Variants in KIF13A observed in about 807,000 individuals in gnomAD.
KIF13A encodes the protein kinesin-like protein KIF13A.
A neutral mutation model predicts 212.2 loss-of-function variants in KIF13A; 79 were observed. The observed-to-expected ratio is 0.37, with a 90% CI of 0.31 to 0.45. The LOEUF is 0.45. Among genes scored for constraint, KIF13A ranks in the 20% least tolerant of loss-of-function variants. The probability of loss-of-function intolerance (pLI) is 1.00; values close to 1 mark genes in which losing one functional copy is unlikely to be tolerated. For synonymous variants in KIF13A, 789 were observed against 808.6 expected (o/e 0.98, Z 0.41); for missense variants, 1,901 against 2,209.0 (o/e 0.86, Z 2.79).
At chr6:17,857,979 C>T (rs1037015424) in intron 4 of KIF13A, among the ~76,000 whole-genome samples, 2 of 151,854 alleles carry the variant, frequency 1.3e-5, no homozygotes, top group African/African-American at 2.4e-5. Flanking sequence ...CCCCCAACAC[C>T]CACATCTATG....
intron 17 of KIF13A, chr6:17,812,067 A>C (rs1763479425): frequency 6.6e-6 from 1 of 152,224 alleles, no homozygotes; most frequent in Non-Finnish European, 1.5e-5. Flanking sequence ...AGCCCCAAAG[A>C]AAATCAATCT....
At position 17,796,651 on chromosome 6, in the gene KIF13A, T is replaced by G. The variant is rs766492362; in HGVS notation, c.2942+18A>C. 1 of 1,450,610 alleles carries G rather than the reference T, an allele frequency of 6.9e-7. No individual in the cohort carries two copies. The highest frequency in any genetic ancestry group is 9.2e-7 in the Non-Finnish European group (1 of 1,087,634). 89.9% of individuals were successfully genotyped at this position (1,450,610 alleles called of 1,614,324 possible). Reference sequence around the variant, plus strand: ...CTAGTCTTAACCTTGTACCTAAAGCTCACAGCCAAGTACAAACCTGTCATG... The same window carrying G: ...CTAGTCTTAACCTTGTACCTAAAGCGCACAGCCAAGTACAAACCTGTCATG... On this transcript the variant is annotated intron_variant, in intron 23 of 38. Transcript: ENST00000259711.
Position 17,828,069 on chromosome 6 carries a change from A to G in KIF13A, c.1532+171T>C, listed in dbSNP as rs182717750. On this transcript the variant is annotated intron_variant, in intron 14 of 38. Coordinates refer to ENST00000259711, the MANE Select transcript of KIF13A (RefSeq NM_022113.6). The surrounding 1 kb of genome is among the most constrained non-coding windows in gnomAD (Gnocchi z 4.3). ...GTGGAACTAGAACTCGCATACAAAA[A>G]TAGTCACTCCTTCACAGTAATCACT... 6.6e-6 allele frequency among the ~76,000 whole-genome samples: 1 copy of G among 152,322 alleles called. No homozygotes were observed. The highest frequency in any genetic ancestry group is 2.4e-5 in the African/African-American group (1 of 41,580).
At chr6:17,814,496 C>G (rs376308232) in intron 17 of KIF13A, among the ~76,000 whole-genome samples, 1 of 152,106 alleles carries the variant, frequency 6.6e-6, no homozygotes, top group African/African-American at 2.4e-5. Context: ...ATCCACCCGC[C>G]TCGGCCTCCC....
chr6:17,839,786 A>G lies in KIF13A; in HGVS notation c.831-2203T>C, dbSNP rs1160898750. 6.6e-6 allele frequency among the ~76,000 whole-genome samples: 1 copy of G among 152,198 alleles called. No individual in the cohort carries two copies. Among genetic ancestry groups the G allele is most frequent in the Non-Finnish European group, 1.5e-5 (1 of 68,038 alleles). The stretch of plus-strand genomic sequence containing the variant: ...GACTGGAGTGATGCATCTACAAGAC[A>G]GGGAACGCCGAGGATTGATGGCCCT... On this transcript the variant is annotated intron_variant, in intron 9 of 38. Transcript: ENST00000259711. This position sits in a 1 kb window ranked among gnomAD's most constrained non-coding sequence, Gnocchi z 4.3.
rs575357941 is a variant in KIF13A, at chr6:17,967,096, C to T, written c.146+19958G>A. Among the ~76,000 whole-genome samples, 5 of 152,136 alleles carry T rather than the reference C, an allele frequency of 3.3e-5. No homozygotes were observed. The East Asian group carries it at 5.8e-4, about 18-fold the overall frequency. On this transcript the variant is annotated intron_variant, in intron 2 of 38. Transcript: ENST00000259711. This position sits in a 1 kb window ranked among gnomAD's most constrained non-coding sequence, Gnocchi z 4.1. ...GCACTTTCTCAGGGGAAAAGTAATCCGAGGAGATAAAAACTTTGGTGAAGG... is the reference window on the plus strand; with the variant it reads ...GCACTTTCTCAGGGGAAAAGTAATCTGAGGAGATAAAAACTTTGGTGAAGG...
chr6:17,855,442 G>A lies in KIF13A; in HGVS notation c.489C>T (p.Pro163=), dbSNP rs748759510. 1 of 1,607,496 alleles carries A rather than the reference G, an allele frequency of 6.2e-7. No individual in the cohort carries two copies. The highest frequency in any genetic ancestry group is 8.5e-7 in the Non-Finnish European group (1 of 1,176,884). The stretch of plus-strand genomic sequence containing the variant: ...AATCTTGACCACTAACTTACCCTTT[G>A]GGGTCTAAAAGATCCCGAACTTTCT... The part of the protein sequence containing the change: ...YNEKVRDLLD[P]KGSRQSLKVR... Residue 163 remains proline, a synonymous_variant, in exon 6 of 39, where the codon CCC becomes CCT. Coordinates refer to ENST00000259711, the MANE Select transcript of KIF13A (RefSeq NM_022113.6). This position sits in a 1 kb window ranked among gnomAD's most constrained non-coding sequence, Gnocchi z 4.1.
rs1759496652 is a variant in KIF13A, at chr6:17,771,545, A to G, written c.4477-327T>C. On this transcript the variant is annotated intron_variant, in intron 37 of 38. Coordinates refer to ENST00000259711, the MANE Select transcript of KIF13A (RefSeq NM_022113.6). This position sits in a 1 kb window ranked among gnomAD's most constrained non-coding sequence, Gnocchi z 5.4. ...AGTTTCAGACCAGCCTGGGCAACAC[A>G]GCAAGACCCTATCTCTATAAAAAAC... is the stretch of plus-strand genomic sequence containing the variant. The G allele has an allele frequency of 2.7e-6, 1 of 372,206 alleles. No homozygotes were observed. The highest frequency in any genetic ancestry group is 4.8e-6 in the Non-Finnish European group (1 of 207,474). 23.1% of individuals were successfully genotyped at this position (372,206 alleles called of 1,614,324 possible).
rs958009998 is a variant in KIF13A at position 17,977,349 on chromosome 6, C to T, written c.146+9705G>A. Among the ~76,000 whole-genome samples the T allele has an allele frequency of 3.3e-5, 5 of 152,246 alleles. No individual in the cohort carries two copies. In the South Asian group the frequency reaches 6.2e-4, roughly 19 times the overall value. ...CACTATAATGTAAGAGAATAGTTCACGTTGTCATACAATTGCAAAGATGTA... is the reference window on the plus strand; with the variant it reads ...CACTATAATGTAAGAGAATAGTTCATGTTGTCATACAATTGCAAAGATGTA... On this transcript the variant is annotated intron_variant, in intron 2 of 38. Transcript: ENST00000259711.
chr6:17,850,339 T>C lies in KIF13A; in HGVS notation c.701A>G (p.Tyr234Cys). ...ATCCCTTACCCCAGACTGCAGGTCATAAAGTGTCTGTGTGATTATGATGTT... is the reference window on the plus strand; with the variant it reads ...ATCCCTTACCCCAGACTGCAGGTCACAAAGTGTCTGTGTGATTATGATGTT... ...VFNIIITQTL[Y>C]DLQSGNSGEK... Residue 234 changes from tyrosine to cysteine, a missense_variant, in exon 8 of 39, where the codon TAT becomes TGT. Coordinates refer to ENST00000259711, the MANE Select transcript of KIF13A (RefSeq NM_022113.6). The surrounding 1 kb of genome is among the most constrained non-coding windows in gnomAD (Gnocchi z 6.2). 6.2e-7 allele frequency: 1 copy of C among 1,613,560 alleles called. No homozygotes were observed. The highest frequency in any genetic ancestry group is 8.5e-7 in the Non-Finnish European group (1 of 1,179,648).
At position 17,816,209 on chromosome 6, in the gene KIF13A, C is replaced by T. The variant is rs569459007; in HGVS notation, c.2000+811G>A. On this transcript the variant is annotated intron_variant, in intron 17 of 38. Coordinates refer to ENST00000259711, the MANE Select transcript of KIF13A (RefSeq NM_022113.6). The surrounding 1 kb of genome is among the most constrained non-coding windows in gnomAD (Gnocchi z 4.3). ...CTGGGATTACAGGCCTGAGCCACCGCACCTGGCCTGAGTCAGGTCAGGTTC... is the reference window on the plus strand; with the variant it reads ...CTGGGATTACAGGCCTGAGCCACCGTACCTGGCCTGAGTCAGGTCAGGTTC... 6.7e-6 allele frequency among the ~76,000 whole-genome samples: 1 copy of T among 150,230 alleles called. No homozygotes were observed. Among genetic ancestry groups the T allele is most frequent in the Non-Finnish European group, 1.5e-5 (1 of 67,624 alleles).
At chr6:17,956,716 C>T (rs950119120) in intron 2 of KIF13A, among the ~76,000 whole-genome samples, 1 of 152,056 alleles carries the variant, frequency 6.6e-6, no homozygotes, top group African/African-American at 2.4e-5. Flanking sequence ...CTCCTGTCCT[C>T]TAATCTGGCT....
In KIF13A at chr6:17,794,031, C is replaced by T. The variant is rs1761829779; in HGVS notation, c.3222+218G>A. On this transcript the variant is annotated intron_variant, in intron 25 of 38. Coordinates refer to ENST00000259711, the MANE Select transcript of KIF13A (RefSeq NM_022113.6). This position sits in a 1 kb window ranked among gnomAD's most constrained non-coding sequence, Gnocchi z 4.1. ...AAAATCTGCCTAAAGTTAATGACTA[C>T]TATAGCATTAGGATGCGTGTGTTTA... Among the ~76,000 whole-genome samples the T allele has an allele frequency of 6.6e-6, 1 of 152,124 alleles. No homozygotes were observed. The highest frequency in any genetic ancestry group is 2.4e-5 in the African/African-American group (1 of 41,432).
intron 25 of KIF13A, 121 bp from the exon 26 acceptor site, chr6:17,790,031 A>T: frequency 1.5e-6 from 1 of 685,820 alleles, no homozygotes; most frequent in Non-Finnish European, 2.5e-6. Flanking sequence ...TAAGCAAAAT[A>T]AAACACTAAA....
In KIF13A at chr6:17,808,831, G is replaced by T; in HGVS notation, c.2100C>A (p.Ser700Arg). ...GAGTCACTTGGTAATCGGTGAGTTTGCTCATTTCCTCAGCCAGGAAGTTTG... is the reference window on the plus strand; with the variant it reads ...GAGTCACTTGGTAATCGGTGAGTTTTCTCATTTCCTCAGCCAGGAAGTTTG... ...REANFLAEEM[S>R]KLTDYQVTLQ... The change falls in exon 18 of 39, where the codon AGC (serine) becomes AGA (arginine). Residue 700 changes from serine to arginine, a missense_variant. Around this residue, in one of 5 missense-constraint regions of KIF13A, gnomAD observed 534 missense variants for 536.9 expected, o/e 0.99. Transcript: ENST00000259711. 1 of 1,613,854 alleles carries T rather than the reference G, an allele frequency of 6.2e-7. No homozygotes were observed. Among genetic ancestry groups the T allele is most frequent in the Non-Finnish European group, 8.5e-7 (1 of 1,179,850 alleles).
chr6:17,977,795 T>C (rs1177692516), intron 2 of KIF13A, among the ~76,000 whole-genome samples: 2 of 152,254 alleles, frequency 1.3e-5, no homozygotes, highest in African/African-American at 4.8e-5. Flanking sequence ...GTTGGTGTGC[T>C]GCACCCATTA....
chr6:17,835,000 G>A lies in KIF13A; in HGVS notation c.1156-929C>T, dbSNP rs150944074. 0.026 allele frequency among the ~76,000 whole-genome samples: 3,891 copies of A among 151,800 alleles called. 76 individuals carry two copies. The highest frequency in any genetic ancestry group is 0.04 in the Non-Finnish European group (2,731 of 67,928). On this transcript the variant is annotated intron_variant, in intron 11 of 38. Transcript: ENST00000259711. This position sits in a 1 kb window ranked among gnomAD's most constrained non-coding sequence, Gnocchi z 4.0. Reference sequence around the variant, plus strand: ...TTGAGACCAGCCTGGCTAACATGGCGAAACCCTGTCTCTACTAAAAATACA... The same window carrying A: ...TTGAGACCAGCCTGGCTAACATGGCAAAACCCTGTCTCTACTAAAAATACA...
rs964698258 is a variant in KIF13A, at chr6:17,825,009, T to C, written c.1786+759A>G. ...AATCATTCTAGTCCCAGAAATGTCA[T>C]CTTGTGGTTGGTAACAGGTGAACAT... On this transcript the variant is annotated intron_variant, in intron 16 of 38. Transcript: ENST00000259711. This position sits in a 1 kb window ranked among gnomAD's most constrained non-coding sequence, Gnocchi z 4.5. Among the ~76,000 whole-genome samples the C allele has an allele frequency of 4.6e-5, 7 of 152,138 alleles. No individual in the cohort carries two copies. The highest frequency in any genetic ancestry group is 7.3e-5 in the Non-Finnish European group (5 of 68,030).
chr6:17,920,310 AC>A (rs1201797096), intron 2 of KIF13A, among the ~76,000 whole-genome samples: 2 of 152,156 alleles, frequency 1.3e-5, no homozygotes, highest in African/African-American at 4.8e-5. Context: ...TCCCCCACTT[AC>A]CAAAAATGAA....
Sources: gnomAD v4.1 joint callset for allele counts (sites outside exome capture counted in the v4.1 genomes callset) on GRCh38, gnomAD v4.1.1 for gene constraint, gnomAD v4.1.1 regional missense constraint, Gnocchi (gnomAD v3.1) non-coding constraint, MANE v1.5 for transcripts, NCBI Gene and HGNC (gene_info 2026-07-23, HGNC 2026-07-21) for gene names.